Variants in CDH13 observed in about 807,000 individuals in gnomAD.
The protein encoded by CDH13 is cadherin-13.
CDH13 carries 24 observed loss-of-function variants against 63.8 expected under a neutral mutation model. The ratio of observed to expected loss-of-function variants is 0.38; its 90% CI spans 0.27 to 0.53. CDH13 has a LOEUF of 0.53. CDH13 is among the 20% of genes least tolerant of loss of function. The probability of loss-of-function intolerance (pLI) is 0.85; values close to 1 mark genes in which losing one functional copy is unlikely to be tolerated. For missense variants in CDH13, 1,049 were observed against 903.1 expected, an observed-to-expected ratio of 1.16 and a Z score of -2.07; for synonymous variants, 503 against 355.3, an observed-to-expected ratio of 1.42 and a Z score of -4.67.
intron 6 of CDH13, among the ~76,000 whole-genome samples, chr16:83,481,628 G>A (rs997533955): frequency 5.3e-5 from 8 of 152,268 alleles, no homozygotes; most frequent in South Asian, 2.1e-4. Flanking sequence ...CGTGTCCTTC[G>A]GCAAAAGAAA....
At chr16:83,322,294 G>A (rs953328951) in intron 5 of CDH13, among the ~76,000 whole-genome samples, 8 of 152,192 alleles carry the variant, frequency 5.3e-5, no homozygotes, top group African/African-American at 9.7e-5. Context: ...GAGGCAGAGC[G>A]TGTGCACCCT....
At chr16:82,707,430 G>C (rs1405711280) in intron 1 of CDH13, among the ~76,000 whole-genome samples, 2 of 152,232 alleles carry the variant, frequency 1.3e-5, no homozygotes, top group African/African-American at 4.8e-5. Flanking sequence ...AGCACATACA[G>C]AAGGAGTAAG....
At chr16:83,002,582 G>T (rs80260714) in intron 2 of CDH13, among the ~76,000 whole-genome samples, 5,219 of 152,324 alleles carry the variant, frequency 0.034, 111 homozygotes, top group Non-Finnish European at 0.045. Flanking sequence ...GTTCATTCTC[G>T]CTTGGTGCAG....
At chr16:82,685,812 TCTG>T in intron 1 of CDH13, among the ~76,000 whole-genome samples, 1 of 152,320 alleles carries the variant, frequency 6.6e-6, no homozygotes, top group South Asian at 2.1e-4. Flanking sequence ...AATGTTCCAC[TCTG>T]CTTAGATGCC....
chr16:83,678,572 A>G, intron 10 of CDH13, 111 bp downstream of exon 10: 1 of 1,343,282 alleles, frequency 7.4e-7, no homozygotes, highest in Non-Finnish European at 1.0e-6. Flanking sequence ...AAACTTGTTA[A>G]CAATCTCAGC....
chr16:82,716,276 A>C (rs1281229473), intron 1 of CDH13, among the ~76,000 whole-genome samples: 1 of 152,108 alleles, frequency 6.6e-6, no homozygotes, highest in Admixed American at 6.5e-5. Flanking sequence ...TGGGGAATAG[A>C]AACTAACAGC....
chr16:83,014,311 C>A (rs77621993), intron 2 of CDH13, among the ~76,000 whole-genome samples: 4,426 of 123,916 alleles, frequency 0.036, 105 homozygotes, highest in Non-Finnish European at 0.048. Flanking sequence ...TCTTAGAGCC[C>A]AAATCGATAA....
intron 1 of CDH13, among the ~76,000 whole-genome samples, chr16:82,846,482 A>G (rs1190369381): frequency 6.6e-6 from 1 of 152,240 alleles, no homozygotes; most frequent in Non-Finnish European, 1.5e-5. Context: ...CAATGGGAGT[A>G]GACACAATTA....
At chr16:82,990,390 C>A (rs1321784920) in intron 2 of CDH13, 1 of 152,200 alleles carries the variant, frequency 6.6e-6, no homozygotes, top group African/African-American at 2.4e-5. Context: ...ACCAATCTCT[C>A]CCATCTTTCT....
At position 83,197,775 on chromosome 16, in the gene CDH13, C is replaced by G. The variant is rs542748023; in HGVS notation, c.484-19570C>G. 1.3e-4 allele frequency among the ~76,000 whole-genome samples: 20 copies of G among 149,074 alleles called. No individual in the cohort carries two copies. In the South Asian group the frequency reaches 3.7e-3, roughly 27 times the overall value. ...AAAACTAAATACACACACACACACT[C>G]TCACACACTCACACACTCATATGCT... On this transcript the variant is annotated intron_variant, in intron 4 of 13. Transcript: ENST00000567109.
intron 6 of CDH13, among the ~76,000 whole-genome samples, 184 bp downstream of exon 6, chr16:83,345,190 C>CA (rs2090814270): frequency 6.6e-6 from 1 of 152,202 alleles, no homozygotes; most frequent in Non-Finnish European, 1.5e-5. Flanking sequence ...CGAGGTGTTG[C>CA]AAGCTACGGA....
intron 1 of CDH13, among the ~76,000 whole-genome samples, chr16:82,676,957 C>T (rs1913994549): frequency 6.6e-6 from 1 of 152,174 alleles, no homozygotes; most frequent in Admixed American, 6.5e-5. Flanking sequence ...AAGCTCAGCT[C>T]GCTGCAACCT....
At chr16:82,749,236 C>T (rs1057266656) in intron 1 of CDH13, among the ~76,000 whole-genome samples, 1 of 152,026 alleles carries the variant, frequency 6.6e-6, no homozygotes, top group African/African-American at 2.4e-5. Flanking sequence ...TATTCAAATC[C>T]CTGGATCCAG....
chr16:83,082,784 C>G (rs146275838), intron 3 of CDH13, among the ~76,000 whole-genome samples: 176 of 152,276 alleles, frequency 1.2e-3, no homozygotes, highest in African/African-American at 4.0e-3. Context: ...ATAAGAAAAA[C>G]CTACGTGGAA....
At chr16:82,637,225 G>T (rs1450887842) in intron 1 of CDH13, among the ~76,000 whole-genome samples, 4 of 152,134 alleles carry the variant, frequency 2.6e-5, no homozygotes, top group East Asian at 3.9e-4. Context: ...GTGTACCTCT[G>T]CTTCCTGCAG....
intron 2 of CDH13, among the ~76,000 whole-genome samples, chr16:82,979,302 A>T (rs1250879636): frequency 1.3e-5 from 2 of 151,896 alleles, no homozygotes; most frequent in Non-Finnish European, 2.9e-5. Flanking sequence ...ACTTTTGGGG[A>T]CTGTTGGGAG....
chr16:83,323,534 G>C (rs1393004103), intron 5 of CDH13, among the ~76,000 whole-genome samples: 28 of 151,892 alleles, frequency 1.8e-4, no homozygotes, highest in Admixed American at 1.8e-3. Flanking sequence ...ACCTGCCTCA[G>C]CCTCCCAAAG....
chr16:83,512,385 G>T (rs2074592604), intron 7 of CDH13, among the ~76,000 whole-genome samples: 1 of 143,284 alleles, frequency 7.0e-6, no homozygotes, highest in Admixed American at 7.0e-5. Context: ...AAAAATAAAG[G>T]AAGGGCTGGG....
chr16:83,200,968 T>C (rs1247785063), intron 4 of CDH13, among the ~76,000 whole-genome samples: 22 of 143,154 alleles, frequency 1.5e-4, no homozygotes, highest in Non-Finnish European at 4.6e-5. Context: ...TGTGTGTGTG[T>C]GTGTTATTGG....
Sources: gnomAD v4.1 joint callset for allele counts (sites outside exome capture counted in the v4.1 genomes callset) on GRCh38, gnomAD v4.1.1 for gene constraint, MANE v1.5 for transcripts, NCBI Gene and HGNC (gene_info 2026-07-23, HGNC 2026-07-21) for gene names.